The following DMD variants were observed in gnomAD, a reference collection of about 807,000 sequenced individuals.
DMD encodes dystrophin.
DMD carries 63 observed loss-of-function variants against 330.1 expected under a neutral mutation model. The ratio of observed to expected loss-of-function variants is 0.19; its 90% CI spans 0.16 to 0.24. DMD has a LOEUF of 0.24. DMD is among the 10% of genes least tolerant of loss of function. The pLI, the probability that DMD is intolerant of heterozygous loss-of-function variation, is 1.00. For missense variants in DMD, 3,344 were observed against 2,684.1 expected (o/e 1.25, Z -5.43); for synonymous variants, 1,223 against 959.8 (o/e 1.27, Z -5.07).
intron 11 of DMD, chrX:32,641,475 C>A (rs60180387): frequency 7.6e-6 from 1 of 131,475 alleles, no homozygotes; most frequent in Non-Finnish European, 1.7e-5. Flanking sequence ...TTTGATGTTG[C>A]TATTAGGTTG....
intron 63 of DMD, among the ~76,000 whole-genome samples, chrX:31,231,184 T>A (rs1164270687): frequency 9.0e-6 from 1 of 110,913 alleles, no homozygotes; most frequent in East Asian, 2.8e-4. Flanking sequence ...TATGGATCCA[T>A]AAGGATAAAT....
chrX:31,373,701 T>C (rs2059725038), intron 60 of DMD, among the ~76,000 whole-genome samples: 1 of 111,482 alleles, frequency 9.0e-6, no homozygotes, highest in African/African-American at 3.3e-5. Flanking sequence ...ATGTTAGACC[T>C]AAAACCACAA....
At position 31,606,121 on chromosome X, in the gene DMD, C is replaced by T. The variant is rs1018883407; in HGVS notation, c.8217+21552G>A. Among the ~76,000 whole-genome samples, 12 of 111,085 alleles carry T rather than the reference C, an allele frequency of 1.1e-4. 1 individual carries two copies. Among genetic ancestry groups the T allele is most frequent in the Non-Finnish European group, 2.3e-4 (12 of 52,958 alleles). ...CTGATGGTTTTATAAGGGGCTCTTC[C>T]TACTTCGCTGGGCGCTTCTCCTTCC... is the stretch of plus-strand genomic sequence containing the variant. On this transcript the variant is annotated intron_variant, in intron 55 of 78. Coordinates refer to ENST00000357033, the MANE Select transcript of DMD (RefSeq NM_004006.3).
chrX:32,004,417 T>G (rs1342796420), intron 44 of DMD, among the ~76,000 whole-genome samples: 1 of 111,795 alleles, frequency 8.9e-6, no homozygotes, highest in African/African-American at 3.2e-5. Context: ...ACAGAGTGAA[T>G]AGTTTACCAA....
At chrX:32,937,295 AAAAT>A (rs1253406274) in intron 2 of DMD, among the ~76,000 whole-genome samples, 1 of 109,899 alleles carries the variant, frequency 9.1e-6, no homozygotes, top group Non-Finnish European at 1.9e-5. Flanking sequence ...GGGCCACATG[AAAAT>A]AAATACTCCA....
chrX:31,549,320 T>C (rs2074338119), intron 55 of DMD, among the ~76,000 whole-genome samples: 1 of 109,693 alleles, frequency 9.1e-6, no homozygotes, highest in African/African-American at 3.3e-5. Flanking sequence ...TGAGAACAAC[T>C]ACCCTGAAAA....
chrX:31,398,529 T>A (rs1457989992), intron 60 of DMD, among the ~76,000 whole-genome samples: 1 of 112,351 alleles, frequency 8.9e-6, no homozygotes, highest in Non-Finnish European at 1.9e-5. Flanking sequence ...GCTCAAGCAA[T>A]TCTCCTGTCT....
chrX:31,607,065 C>A (rs7883274), intron 55 of DMD, among the ~76,000 whole-genome samples: 7,582 of 111,374 alleles, frequency 0.068, 301 homozygotes, highest in Admixed American at 0.17. Context: ...ATTTCATTTT[C>A]TTCCCACTCT....
At chrX:32,679,897 TTGTAC>T (rs2062252709) in intron 9 of DMD, among the ~76,000 whole-genome samples, 1 of 95,469 alleles carries the variant, frequency 1.0e-5, no homozygotes, top group Admixed American at 1.2e-4. Flanking sequence ...GCTCTAATAT[TTGTAC>T]TTTTTTTTTT....
At chrX:32,997,703 T>C (rs1455110432) in intron 2 of DMD, among the ~76,000 whole-genome samples, 2 of 112,282 alleles carry the variant, frequency 1.8e-5, no homozygotes, top group Non-Finnish European at 3.8e-5. Flanking sequence ...AGTACATACA[T>C]TTGCAAAGGT....
intron 7 of DMD, among the ~76,000 whole-genome samples, chrX:32,773,416 TTAAC>T (rs1408566200): frequency 9.0e-6 from 1 of 111,592 alleles, no homozygotes; most frequent in Non-Finnish European, 1.9e-5. Flanking sequence ...AAATTCCAAT[TTAAC>T]TATTATTTTG....
intron 55 of DMD, among the ~76,000 whole-genome samples, chrX:31,566,019 CT>C (rs2075445981): frequency 1.8e-5 from 2 of 111,538 alleles, no homozygotes; most frequent in Admixed American, 1.9e-4. Context: ...AGACATCCAT[CT>C]TTTGGCTATA....
intron 22 of DMD, among the ~76,000 whole-genome samples, chrX:32,470,462 TTTAG>T (rs2040511303): frequency 8.9e-6 from 1 of 112,001 alleles, no homozygotes; most frequent in African/African-American, 3.2e-5. Context: ...TATCTTTTTT[TTTAG>T]TTAGTTAATA....
chrX:31,558,656 CTATA>C (rs993514767), intron 55 of DMD, among the ~76,000 whole-genome samples: 1 of 107,285 alleles, frequency 9.3e-6, no homozygotes, highest in Non-Finnish European at 1.9e-5. Context: ...TATATATATA[CTATA>C]TATATGTGTG....
At chrX:32,510,096 G>T (rs1355132692) in intron 18 of DMD, among the ~76,000 whole-genome samples, 3 of 111,892 alleles carry the variant, frequency 2.7e-5, no homozygotes, top group African/African-American at 9.8e-5. Context: ...CAACACAGCA[G>T]ACAGAGACAA....
At chrX:32,441,834 T>C (rs2098282469) in intron 27 of DMD, among the ~76,000 whole-genome samples, 1 of 111,685 alleles carries the variant, frequency 9.0e-6, no homozygotes, top group Admixed American at 9.5e-5. Flanking sequence ...TGGCTCTATC[T>C]TAGTTTAGCA....
chrX:31,707,209 G>C (rs769583332), intron 52 of DMD, among the ~76,000 whole-genome samples: 2 of 107,461 alleles, frequency 1.9e-5, no homozygotes, highest in Non-Finnish European at 3.9e-5. Flanking sequence ...TATTTACTTT[G>C]AACATTAAAA....
chrX:32,213,817 T>C (rs966306606), intron 44 of DMD, among the ~76,000 whole-genome samples: 2 of 110,472 alleles, frequency 1.8e-5, no homozygotes, highest in Admixed American at 9.7e-5. Context: ...CTACTAAAAA[T>C]ACAAAAATTA....
chrX:32,529,197 T>A (rs1377903999), intron 17 of DMD, among the ~76,000 whole-genome samples: 2 of 106,818 alleles, frequency 1.9e-5, no homozygotes, highest in Non-Finnish European at 3.8e-5. Context: ...AGTGCTGGGA[T>A]TACAGGTGTG....
Sources: allele counts gnomAD v4.1 joint callset (sites outside exome capture counted in the v4.1 genomes callset), GRCh38; gene constraint gnomAD v4.1.1; transcripts MANE v1.5; gene names NCBI Gene and HGNC (gene_info 2026-07-23, HGNC 2026-07-21).